The following SCEL variants were observed in gnomAD, a reference collection of about 807,000 sequenced individuals.
The protein encoded by SCEL is sciellin.
In SCEL, 113 loss-of-function variants were observed where a neutral mutation model predicts 117.6. That is an observed-to-expected ratio of 0.96 (90% CI 0.83 to 1.12). The LOEUF is 1.12. Ranked by LOEUF, SCEL falls within the 50% of genes most tolerant of loss-of-function variation. SCEL has a pLI of 0.00. For missense variants in SCEL, 785 were observed against 810.8 expected (o/e 0.97, Z 0.39); for synonymous variants, 270 against 256.2 (o/e 1.05, Z -0.51).
intron 3 of SCEL, among the ~76,000 whole-genome samples, chr13:77,558,684 C>T (rs529510249): frequency 2.0e-5 from 3 of 151,806 alleles, no homozygotes; most frequent in East Asian, 1.9e-4. Flanking sequence ...GGCGTGTTGG[C>T]GGGCACCTAT....
At chr13:77,551,092 G>A (rs2084292534) in intron 1 of SCEL, among the ~76,000 whole-genome samples, 1 of 152,208 alleles carries the variant, frequency 6.6e-6, no homozygotes, top group Non-Finnish European at 1.5e-5. Flanking sequence ...GCTGTTTGCT[G>A]AGGAGGGCGT....
At position 77,537,897 on chromosome 13, in the gene SCEL, A is replaced by G. The variant is rs567081602; in HGVS notation, c.-20+2073A>G. On this transcript the variant is annotated intron_variant, in intron 1 of 32. Coordinates refer to ENST00000349847, the MANE Select transcript of SCEL (RefSeq NM_144777.3). ...TACGGTTCAGGCATCAACTCCCAGCATTTCTTAAGAGTGAGGGGATAAAAT... is the reference window on the plus strand; with the variant it reads ...TACGGTTCAGGCATCAACTCCCAGCGTTTCTTAAGAGTGAGGGGATAAAAT... Among the ~76,000 whole-genome samples, 4 of 152,302 alleles carry G rather than the reference A, an allele frequency of 2.6e-5. 1 individual carries two copies. In the South Asian group the frequency reaches 8.3e-4, roughly 32 times the overall value.
intron 15 of SCEL, among the ~76,000 whole-genome samples, chr13:77,601,735 C>G (rs1400156497): frequency 6.6e-6 from 1 of 152,176 alleles, no homozygotes; most frequent in African/African-American, 2.4e-5. Flanking sequence ...TTAAATAAGA[C>G]AGTATCTCAA....
At chr13:77,569,577 C>T in intron 8 of SCEL, 126 bp downstream of exon 8, 1 of 626,968 alleles carries the variant, frequency 1.6e-6, no homozygotes, top group Non-Finnish European at 2.7e-6. Flanking sequence ...TCAGCTCTTT[C>T]CCCCAGCAAT....
intron 24 of SCEL, among the ~76,000 whole-genome samples, chr13:77,615,215 G>A (rs2088935070): frequency 6.6e-6 from 1 of 152,034 alleles, no homozygotes; most frequent in Non-Finnish European, 1.5e-5. Flanking sequence ...GAGCCTTGGA[G>A]ATTATCCAAT....
intron 27 of SCEL, among the ~76,000 whole-genome samples, chr13:77,618,397 G>C (rs927190093): frequency 1.3e-5 from 2 of 151,998 alleles, no homozygotes; most frequent in African/African-American, 4.8e-5. Context: ...GCCCAGGGTG[G>C]TCTCAAATTT....
chr13:77,638,837 G>A (rs2090426355), intron 30 of SCEL, among the ~76,000 whole-genome samples: 1 of 152,052 alleles, frequency 6.6e-6, no homozygotes, highest in Non-Finnish European at 1.5e-5. Flanking sequence ...AAGTTTGTAT[G>A]TTCTGTTCAC....
rs1173443571 is a variant in SCEL, at chr13:77,645,019, G to A, written c.*745G>A. The A allele has an allele frequency of 6.6e-6, 1 of 152,038 alleles. No homozygotes were observed. Among genetic ancestry groups the A allele is most frequent in the African/African-American group, 2.4e-5 (1 of 41,430 alleles). The allele number at this position is 152,038 out of a possible 1,614,324, so 9.4% of individuals were successfully genotyped here. A position where few individuals can be genotyped will look rare whatever the true frequency, so the allele number is the denominator to read the frequency against. On this transcript the variant is annotated 3_prime_UTR_variant, in exon 33 of 33. Transcript: ENST00000349847. ...ATCACAGACTTAGTGTTTGAAAACT[G>A]TGTTTTAAAAACAGAAACAGATTGA...
intron 30 of SCEL, among the ~76,000 whole-genome samples, chr13:77,639,210 A>G (rs111800932): frequency 3.3e-5 from 5 of 152,286 alleles, no homozygotes; most frequent in African/African-American, 9.6e-5. Context: ...CTACTCTTGA[A>G]GTGCTTACAG....
intron 27 of SCEL, 29 bp downstream of exon 27, chr13:77,618,089 T>G: frequency 6.3e-7 from 1 of 1,578,904 alleles, no homozygotes; most frequent in Non-Finnish European, 8.7e-7. Context: ...CTTGACATGT[T>G]TACAAGTTTC....
rs4052543 is a variant in SCEL at position 77,593,259 on chromosome 13, AGTGTGTGTGTGTGTGTGTGTGT to A, written c.693-238_693-217del. On this transcript the variant is annotated intron_variant, in intron 11 of 32. Coordinates refer to ENST00000349847, the MANE Select transcript of SCEL (RefSeq NM_144777.3). ...ACACCCAGGTGGAATAACAGAGGGGAGTGTGTGTGTGTGTGTGTGTGTGTGTGTGTGTGTGTGTCTGTGTGTG... is the reference window on the plus strand; with the variant it reads ...ACACCCAGGTGGAATAACAGAGGGGAGTGTGTGTGTGTGTGTCTGTGTGTG... 9.1e-3 allele frequency among the ~76,000 whole-genome samples: 1,008 copies of A among 111,150 alleles called. 18 individuals are homozygous for A. The highest frequency in any genetic ancestry group is 0.042 in the African/African-American group (963 of 23,064). 72.9% of individuals were successfully genotyped at this position (111,150 alleles called of 152,430 possible). A position where few individuals can be genotyped will look rare whatever the true frequency, so the allele number is the denominator to read the frequency against.
chr13:77,627,932 TA>T lies in SCEL; in HGVS notation c.1629-14del, dbSNP rs769393906. 3.4e-6 allele frequency: 4 copies of T among 1,162,674 alleles called. No individual in the cohort carries two copies. Among genetic ancestry groups the T allele is most frequent in the South Asian group, 3.0e-5 (2 of 65,974 alleles). The allele number at this position is 1,162,674 out of a possible 1,614,324, so 72.0% of individuals were successfully genotyped here. A position where few individuals can be genotyped will look rare whatever the true frequency, so the allele number is the denominator to read the frequency against. ...TATGTTGTAATTATTCATATATATA[TA>T]TTTTTTTCCTTAGAGACCAGAACCT... On this transcript the variant is annotated splice_polypyrimidine_tract_variant and intron_variant, in intron 27 of 32. Coordinates refer to ENST00000349847, the MANE Select transcript of SCEL (RefSeq NM_144777.3).
At chr13:77,547,405 A>G (rs368940936) in intron 1 of SCEL, among the ~76,000 whole-genome samples, 8 of 152,164 alleles carry the variant, frequency 5.3e-5, no homozygotes, top group African/African-American at 1.9e-4. Context: ...GACTAATTAT[A>G]TTTTCAGTAA....
chr13:77,588,999 G>A (rs2086716415), intron 9 of SCEL, 145 bp from the exon 10 acceptor site: 1 of 614,296 alleles, frequency 1.6e-6, no homozygotes. Flanking sequence ...GTGCTCCATG[G>A]ATTCTGACCT....
At chr13:77,538,986 T>G (rs186854669) in intron 1 of SCEL, among the ~76,000 whole-genome samples, 33 of 152,326 alleles carry the variant, frequency 2.2e-4, no homozygotes, top group South Asian at 2.1e-4. Flanking sequence ...GTTAAAAAGC[T>G]TTGGAGAAAA....
chr13:77,602,009 T>A, intron 15 of SCEL, 56 bp from the exon 16 acceptor site: 1 of 1,387,864 alleles, frequency 7.2e-7, no homozygotes, highest in Non-Finnish European at 1.0e-6. Context: ...AATATATCAC[T>A]GAGTTGCTCT....
intron 27 of SCEL, among the ~76,000 whole-genome samples, chr13:77,620,594 C>A (rs974446167): frequency 2.6e-5 from 4 of 152,130 alleles, no homozygotes; most frequent in Non-Finnish European, 4.4e-5. Context: ...TTCATTTATT[C>A]AGTAAGAATT....
chr13:77,633,686 T>G (rs1432174923), intron 28 of SCEL, among the ~76,000 whole-genome samples: 5 of 152,132 alleles, frequency 3.3e-5, no homozygotes, highest in African/African-American at 1.2e-4. Flanking sequence ...CAATCTCAGG[T>G]ACCGCAGTCA....
Position 77,612,567 on chromosome 13 carries a change from C to G in SCEL, c.1338-324C>G, listed in dbSNP as rs182642249. Reference sequence around the variant, plus strand: ...AATAATGAATAATTTTATATTTTCTCTCGTGCATTGTAACCTCCAGAAAAT... The same window carrying G: ...AATAATGAATAATTTTATATTTTCTGTCGTGCATTGTAACCTCCAGAAAAT... On this transcript the variant is annotated intron_variant, in intron 22 of 32. Coordinates refer to ENST00000349847, the MANE Select transcript of SCEL (RefSeq NM_144777.3). Among the ~76,000 whole-genome samples, 378 of 143,360 alleles carry G rather than the reference C, an allele frequency of 2.6e-3. 1 individual carries two copies. The highest frequency in any genetic ancestry group is 9.2e-3 in the African/African-American group (359 of 39,090). The allele number at this position is 143,360 out of a possible 152,430, so 94.0% of individuals were successfully genotyped here.
Sources: gnomAD v4.1 joint callset for allele counts (sites outside exome capture counted in the v4.1 genomes callset) on GRCh38, gnomAD v4.1.1 for gene constraint, MANE v1.5 for transcripts, NCBI Gene and HGNC (gene_info 2026-07-23, HGNC 2026-07-21) for gene names.